Variants in ATCAY observed in about 807,000 individuals in gnomAD.
ATCAY encodes the protein caytaxin.
A neutral mutation model predicts 47.7 loss-of-function variants in ATCAY; 22 were observed. That is an observed-to-expected ratio of 0.46 (90% CI 0.33 to 0.66). The LOEUF is 0.66. ATCAY is among the 30% of genes least tolerant of loss of function. ATCAY has a pLI of 0.02. For synonymous variants in ATCAY, 216 were observed against 207.6 expected, an observed-to-expected ratio of 1.04 and a Z score of -0.35; for missense variants, 452 against 515.0, an observed-to-expected ratio of 0.88 and a Z score of 1.18.
At position 3,908,380 on chromosome 19, in the gene ATCAY, C is replaced by T. The variant is rs181866005; in HGVS notation, c.647+10C>T. The T allele has an allele frequency of 3.7e-3, 5,855 of 1,572,770 alleles. 17 individuals carry two copies. Among genetic ancestry groups the T allele is most frequent in the Non-Finnish European group, 4.4e-3 (5,137 of 1,158,392 alleles). On this transcript the variant is annotated intron_variant, in intron 6 of 12. Coordinates refer to ENST00000450849, the MANE Select transcript of ATCAY (RefSeq NM_033064.5). ...TGGAGAACCTCTTCCTGTGAGTCCC[C>T]GCCCGCGGCGAGCAGCCTCGGGCCA...
intron 1 of ATCAY, among the ~76,000 whole-genome samples, chr19:3,881,792 C>T (rs1339353835): frequency 6.6e-6 from 1 of 151,684 alleles, no homozygotes; most frequent in Admixed American, 6.6e-5. Context: ...ACCCCTTCCT[C>T]CGGAGAGCAA....
chr19:3,912,459 C>T (rs556001478), intron 8 of ATCAY, among the ~76,000 whole-genome samples: 1 of 152,232 alleles, frequency 6.6e-6, no homozygotes, highest in South Asian at 2.1e-4. Flanking sequence ...TACAGGCGCC[C>T]GCCACCAGGC....
chr19:3,900,534 TTTTGTTTG>T (rs1003761086), intron 2 of ATCAY, among the ~76,000 whole-genome samples: 4 of 151,884 alleles, frequency 2.6e-5, no homozygotes, highest in African/African-American at 9.7e-5. Context: ...CCCTTGATAG[TTTTGTTTG>T]TTTGTTTGTT....
chr19:3,886,230 CTT>C (rs1201494248), intron 2 of ATCAY, among the ~76,000 whole-genome samples: 3 of 151,248 alleles, frequency 2.0e-5, no homozygotes. Context: ...GGGCGGATCA[CTT>C]GAGGTCAGGA....
At chr19:3,891,067 T>C (rs529279014) in intron 2 of ATCAY, among the ~76,000 whole-genome samples, 8,068 of 151,682 alleles carry the variant, frequency 0.053, 346 homozygotes, top group South Asian at 0.18. Flanking sequence ...TTTTTTTTTT[T>C]TGGAGACAGA....
chr19:3,885,894 C>A, intron 2 of ATCAY, 50 bp downstream of exon 2: 1 of 1,537,916 alleles, frequency 6.5e-7, no homozygotes, highest in Non-Finnish European at 8.8e-7. Context: ...AGGTGTCTCT[C>A]CCAGGTGGGA....
In ATCAY at chr19:3,907,930, C is replaced by T. The variant is rs758404542; in HGVS notation, c.544+11C>T. 6 of 1,602,456 alleles carry T rather than the reference C, an allele frequency of 3.7e-6. No individual in the cohort carries two copies. Among genetic ancestry groups the T allele is most frequent in the Admixed American group, 1.7e-5 (1 of 58,664 alleles). ...TGGTCACCCACGGAGGTGAGACCCG[C>T]CCCCCGGTGCCCCCTTGGGGCTCCA... On this transcript the variant is annotated intron_variant, in intron 5 of 12. Coordinates refer to ENST00000450849, the MANE Select transcript of ATCAY (RefSeq NM_033064.5). The surrounding 1 kb of genome is among the most constrained non-coding windows in gnomAD (Gnocchi z 5.1).
At chr19:3,895,716 C>CTTTTTT (rs537910730) in intron 2 of ATCAY, among the ~76,000 whole-genome samples, 114 of 129,570 alleles carry the variant, frequency 8.8e-4, no homozygotes, top group Middle Eastern at 4.1e-3. Context: ...CTTTTCTTTT[C>CTTTTTT]TTTTTTTTTT....
intron 1 of ATCAY, among the ~76,000 whole-genome samples, chr19:3,881,812 T>C (rs1187507083): frequency 6.6e-6 from 1 of 150,536 alleles, no homozygotes; most frequent in Non-Finnish European, 1.5e-5. Flanking sequence ...AATGCGTTTC[T>C]ACTGCCGAGG....
At chr19:3,912,455 CG>C (rs980392325) in intron 8 of ATCAY, among the ~76,000 whole-genome samples, 41 of 152,186 alleles carry the variant, frequency 2.7e-4, no homozygotes, top group African/African-American at 9.6e-4. Context: ...GGACTACAGG[CG>C]CCCGCCACCA....
intron 12 of ATCAY, among the ~76,000 whole-genome samples, chr19:3,922,772 T>G (rs1463609572): frequency 6.6e-6 from 1 of 152,060 alleles, no homozygotes; most frequent in African/African-American, 2.4e-5. Flanking sequence ...TGAGATGGAG[T>G]CTCGCTCTGT....
At position 3,914,689 on chromosome 19, in the gene ATCAY, T is replaced by C. The variant is rs968870640; in HGVS notation, c.965+833T>C. On this transcript the variant is annotated intron_variant, in intron 9 of 12. Transcript: ENST00000450849. ...TACAAAAATTAGCCAGGTGTGGTGG[T>C]GCATGCCTGTAATCCCAGATACTGA... Among the ~76,000 whole-genome samples the C allele has an allele frequency of 2.0e-5, 3 of 151,616 alleles. No homozygotes were observed. In the South Asian group the frequency reaches 6.3e-4, roughly 32 times the overall value.
intron 12 of ATCAY, among the ~76,000 whole-genome samples, chr19:3,924,377 G>A (rs1329209207): frequency 6.6e-6 from 1 of 152,144 alleles, no homozygotes. Context: ...GGCCTGTTCT[G>A]CTGAGGCACC....
intron 2 of ATCAY, among the ~76,000 whole-genome samples, chr19:3,895,387 G>A (rs886091543): frequency 6.6e-6 from 1 of 151,994 alleles, no homozygotes; most frequent in East Asian, 1.9e-4. Context: ...GCTAATTTTT[G>A]TATTTTTAGT....
intron 2 of ATCAY, chr19:3,895,259 G>A (rs1568445728): frequency 4.4e-6 from 2 of 454,890 alleles, no homozygotes; most frequent in East Asian, 6.9e-5. Context: ...TCTGTCGCCA[G>A]GCTGGAGTGC....
chr19:3,894,479 G>A (rs1349206035), intron 2 of ATCAY, among the ~76,000 whole-genome samples: 70 of 127,018 alleles, frequency 5.5e-4, no homozygotes, highest in African/African-American at 2.0e-3. Context: ...GTGAGACTCC[G>A]TCTCAAAAAA....
At chr19:3,909,454 T>C (rs775344901) in intron 6 of ATCAY, 32 bp from the exon 7 acceptor site, 5 of 1,606,608 alleles carry the variant, frequency 3.1e-6, no homozygotes, top group East Asian at 4.5e-5. Context: ...CCCCTCCATG[T>C]TGGGTCCCTG....
intron 8 of ATCAY, among the ~76,000 whole-genome samples, chr19:3,912,276 C>T (rs531295988): frequency 6.6e-6 from 1 of 151,960 alleles, no homozygotes; most frequent in Non-Finnish European, 1.5e-5. Flanking sequence ...AGTTCGAGAC[C>T]AGCCTGGGTG....
intron 9 of ATCAY, among the ~76,000 whole-genome samples, chr19:3,916,918 G>A (rs1032225875): frequency 3.4e-5 from 5 of 148,182 alleles, no homozygotes; most frequent in Admixed American, 1.3e-4. Flanking sequence ...AGGGATTCTC[G>A]TGCCTCAGCC....
Sources: gnomAD v4.1 joint callset for allele counts (sites outside exome capture counted in the v4.1 genomes callset) on GRCh38, gnomAD v4.1.1 for gene constraint, Gnocchi (gnomAD v3.1) non-coding constraint, MANE v1.5 for transcripts, NCBI Gene and HGNC (gene_info 2026-07-23, HGNC 2026-07-21) for gene names.